Variants in ROBO2 observed in about 807,000 individuals in gnomAD.
ROBO2 encodes the protein roundabout homolog 2.
A neutral mutation model predicts 160.8 loss-of-function variants in ROBO2; 53 were observed. That is an observed-to-expected ratio of 0.33 (90% CI 0.26 to 0.41). The LOEUF (loss-of-function observed/expected upper bound fraction) is 0.41, where lower values mean the gene tolerates loss of function less well. Ranked by LOEUF, ROBO2 falls within the 10% of genes least tolerant of loss-of-function variation. ROBO2 has a pLI of 1.00. For synonymous variants in ROBO2, 664 were observed against 611.7 expected, an observed-to-expected ratio of 1.09 and a Z score of -1.26; for missense variants, 1,577 against 1,722.4, an observed-to-expected ratio of 0.92 and a Z score of 1.49.
At chr3:77,422,463 C>A (rs969573842) in intron 2 of ROBO2, among the ~76,000 whole-genome samples, 12 of 152,088 alleles carry the variant, frequency 7.9e-5, no homozygotes, top group Middle Eastern at 3.2e-3. Context: ...TTCAAGACAC[C>A]ATTTTTAAAA....
intron 2 of ROBO2, among the ~76,000 whole-genome samples, chr3:76,908,766 A>G (rs994945196): frequency 2.0e-5 from 3 of 152,202 alleles, no homozygotes; most frequent in African/African-American, 7.2e-5. Context: ...ACTATTTCAT[A>G]TACAATTGTG....
intron 2 of ROBO2, among the ~76,000 whole-genome samples, chr3:76,323,158 C>CACAA (rs1410157423): frequency 3.3e-5 from 5 of 151,504 alleles, no homozygotes; most frequent in Non-Finnish European, 7.4e-5. Context: ...CACACACACA[C>CACAA]ACACACACAC....
exon 21 of ROBO2, chr3:77,607,861 C>A: frequency 6.2e-7 from 1 of 1,613,910 alleles, no homozygotes; most frequent in Non-Finnish European, 8.5e-7. Flanking sequence ...AACAATGGAT[C>A]CACTTGGGCC....
intron 2 of ROBO2, among the ~76,000 whole-genome samples, chr3:76,728,931 T>G (rs1365382924): frequency 6.6e-6 from 1 of 152,126 alleles, no homozygotes; most frequent in East Asian, 1.9e-4. Context: ...ATTCATTTAT[T>G]CTTTTCTTCT....
intron 2 of ROBO2, among the ~76,000 whole-genome samples, chr3:76,337,325 G>A (rs994257900): frequency 7.2e-5 from 11 of 152,224 alleles, no homozygotes; most frequent in Non-Finnish European, 1.3e-4. Flanking sequence ...GTAATAATAC[G>A]TAAACACTAT....
At position 76,262,026 on chromosome 3, in the gene ROBO2, G is replaced by GT. The variant is rs770965694; in HGVS notation, c.109+324426dup. ...AATTGTCTTTATGCAGAGCATGCTT[G>GT]TTGTCACATTTAGAAGCCTGTCACG... On this transcript the variant is annotated intron_variant, in intron 2 of 26. Transcript: ENST00000487694. Among the ~76,000 whole-genome samples the GT allele has an allele frequency of 3.9e-5, 6 of 152,208 alleles. No homozygotes were observed. In the South Asian group the frequency reaches 1.2e-3, roughly 32 times the overall value.
At chr3:77,015,973 T>A (rs954085163) in intron 2 of ROBO2, among the ~76,000 whole-genome samples, 3 of 152,028 alleles carry the variant, frequency 2.0e-5, no homozygotes, top group Non-Finnish European at 4.4e-5. Flanking sequence ...TTATTTTTTT[T>A]ATTTTTATTT....
chr3:77,608,280 G>A (rs963831476), intron 21 of ROBO2, among the ~76,000 whole-genome samples: 1 of 152,166 alleles, frequency 6.6e-6, no homozygotes, highest in African/African-American at 2.4e-5. Context: ...CCACTCCTGA[G>A]AAGGGCTGAA....
intron 2 of ROBO2, among the ~76,000 whole-genome samples, chr3:76,138,400 C>T (rs1044032601): frequency 1.3e-5 from 2 of 151,898 alleles, no homozygotes; most frequent in Non-Finnish European, 2.9e-5. Flanking sequence ...AATGCACATG[C>T]TTTTTGCTCA....
At chr3:76,252,134 T>A (rs1294687642) in intron 2 of ROBO2, among the ~76,000 whole-genome samples, 1 of 152,020 alleles carries the variant, frequency 6.6e-6, no homozygotes. Context: ...AGCTATATTT[T>A]AATACCAAAT....
intron 2 of ROBO2, among the ~76,000 whole-genome samples, chr3:76,044,146 T>C (rs2067372057): frequency 6.6e-6 from 1 of 152,038 alleles, no homozygotes; most frequent in Non-Finnish European, 1.5e-5. Flanking sequence ...CTCTGTAACC[T>C]CTTTTCTGTA....
chr3:76,340,349 A>T (rs1327017613), intron 2 of ROBO2, among the ~76,000 whole-genome samples: 1 of 152,112 alleles, frequency 6.6e-6, no homozygotes, highest in African/African-American at 2.4e-5. Context: ...ACAGTATCCA[A>T]CATTTCACCT....
intron 2 of ROBO2, among the ~76,000 whole-genome samples, chr3:76,201,167 A>C (rs1016032575): frequency 2.0e-5 from 3 of 152,212 alleles, no homozygotes; most frequent in African/African-American, 7.2e-5. Context: ...ATGCCACAAC[A>C]GTCTTCTCAG....
At chr3:76,610,167 C>T (rs904111230) in intron 2 of ROBO2, among the ~76,000 whole-genome samples, 2 of 152,192 alleles carry the variant, frequency 1.3e-5, no homozygotes, top group African/African-American at 4.8e-5. Flanking sequence ...TATAGTTTCA[C>T]TGATGTGTCT....
At chr3:77,585,479 T>G in intron 16 of ROBO2, among the ~76,000 whole-genome samples, 1 of 152,048 alleles carries the variant, frequency 6.6e-6, no homozygotes, top group East Asian at 1.9e-4. Flanking sequence ...CTATTTAGCA[T>G]TTCATACAAG....
intron 2 of ROBO2, among the ~76,000 whole-genome samples, chr3:76,808,534 A>G (rs186370454): frequency 3.9e-5 from 6 of 152,282 alleles, no homozygotes; most frequent in African/African-American, 1.4e-4. Context: ...TAAAAAAGTT[A>G]AAATATATGG....
chr3:76,294,146 G>A (rs112191361), intron 2 of ROBO2, among the ~76,000 whole-genome samples: 3 of 152,286 alleles, frequency 2.0e-5, no homozygotes, highest in East Asian at 3.9e-4. Flanking sequence ...AGTGGGTGCC[G>A]GGAGTCGGGG....
intron 2 of ROBO2, among the ~76,000 whole-genome samples, chr3:77,199,620 A>G (rs1318955139): frequency 1.7e-5 from 2 of 118,196 alleles, no homozygotes; most frequent in African/African-American, 6.9e-5. Flanking sequence ...CTCAGTCACC[A>G]TTTTTTTTTT....
At chr3:77,376,358 A>G (rs1430270613) in intron 2 of ROBO2, among the ~76,000 whole-genome samples, 1 of 151,776 alleles carries the variant, frequency 6.6e-6, no homozygotes, top group Non-Finnish European at 1.5e-5. Flanking sequence ...GGGTTTCACC[A>G]TGTTAGACAA....
Sources: gnomAD v4.1 joint callset for allele counts (sites outside exome capture counted in the v4.1 genomes callset) on GRCh38, gnomAD v4.1.1 for gene constraint, MANE v1.5 for transcripts, NCBI Gene and HGNC (gene_info 2026-07-23, HGNC 2026-07-21) for gene names.